Variants in FBXW8 observed in about 807,000 individuals in gnomAD.
FBXW8 encodes F-box and WD repeat domain containing 8, also known as F-box/WD repeat-containing protein 8.
FBXW8 carries 57 observed loss-of-function variants against 65.3 expected under a neutral mutation model. The observed-to-expected ratio is 0.87, with a 90% CI of 0.71 to 1.09. FBXW8 has a LOEUF of 1.09. FBXW8 is among the 50% of genes least tolerant of loss of function. FBXW8 has a pLI of 0.00. For missense variants in FBXW8, 777 were observed against 814.8 expected (o/e 0.95, Z 0.57); for synonymous variants, 308 against 330.2 (o/e 0.93, Z 0.73).
At chr12:117,020,607 C>CCTAT (rs945127979) in intron 8 of FBXW8, among the ~76,000 whole-genome samples, 10 of 152,334 alleles carry the variant, frequency 6.6e-5, no homozygotes, top group South Asian at 6.2e-4. Flanking sequence ...CTGCTTCCAG[C>CCTAT]CTATCTCCCA....
intron 7 of FBXW8, among the ~76,000 whole-genome samples, chr12:117,009,332 C>T (rs1953750767): frequency 6.6e-6 from 1 of 151,196 alleles, no homozygotes; most frequent in Non-Finnish European, 1.5e-5. Context: ...TTTGAGGCTA[C>T]AGTGAGCTAT....
chr12:116,954,155 C>G (rs1266743675), intron 4 of FBXW8, among the ~76,000 whole-genome samples: 4 of 150,330 alleles, frequency 2.7e-5, no homozygotes, highest in Non-Finnish European at 5.9e-5. Context: ...TGGTAAAAAC[C>G]ATGTTGTTTT....
intron 7 of FBXW8, among the ~76,000 whole-genome samples, chr12:116,998,587 T>C (rs907206676): frequency 1.8e-4 from 27 of 152,322 alleles, no homozygotes; most frequent in African/African-American, 6.5e-4. Flanking sequence ...TTCACAGATG[T>C]GTATGGCTTT....
chr12:116,924,216 T>A (rs1881142978), intron 1 of FBXW8, among the ~76,000 whole-genome samples: 1 of 152,112 alleles, frequency 6.6e-6, no homozygotes, highest in Non-Finnish European at 1.5e-5. Flanking sequence ...TAGAGTTGGG[T>A]TAACGTGGCC....
At chr12:116,922,349 G>A (rs1321321576) in intron 1 of FBXW8, among the ~76,000 whole-genome samples, 2 of 151,972 alleles carry the variant, frequency 1.3e-5, no homozygotes, top group African/African-American at 4.8e-5. Flanking sequence ...TGCAGTACAT[G>A]GAAAGTTGAG....
chr12:117,027,312 C>T, intron 9 of FBXW8, 82 bp from the exon 10 acceptor site: 1 of 1,008,660 alleles, frequency 9.9e-7, no homozygotes, highest in East Asian at 2.4e-5. Flanking sequence ...GAATCCCCTG[C>T]AGCTCTGAAC....
chr12:117,017,927 T>G (rs185711170), intron 8 of FBXW8, among the ~76,000 whole-genome samples: 1 of 152,290 alleles, frequency 6.6e-6, no homozygotes, highest in East Asian at 1.9e-4. Context: ...CTGACAAATA[T>G]AAAGTTGTGT....
intron 1 of FBXW8, among the ~76,000 whole-genome samples, chr12:116,914,395 C>G (rs1163240683): frequency 6.7e-6 from 1 of 149,046 alleles, no homozygotes; most frequent in East Asian, 2.0e-4. Context: ...CCAACCTGGG[C>G]AACGTAGAGA....
chr12:116,957,327 C>T (rs898115307), intron 4 of FBXW8, among the ~76,000 whole-genome samples: 29 of 152,162 alleles, frequency 1.9e-4, no homozygotes, highest in African/African-American at 6.8e-4. Flanking sequence ...AGCTTGGTGA[C>T]AGCGAGACTG....
At chr12:116,957,644 C>T (rs1308881480) in intron 4 of FBXW8, among the ~76,000 whole-genome samples, 2 of 152,038 alleles carry the variant, frequency 1.3e-5, no homozygotes, top group African/African-American at 4.8e-5. Flanking sequence ...TAAGGACATG[C>T]GTTCCATTTT....
Sources: gnomAD v4.1 joint callset for allele counts (sites outside exome capture counted in the v4.1 genomes callset) on GRCh38, gnomAD v4.1.1 for gene constraint, MANE v1.5 for transcripts, NCBI Gene and HGNC (gene_info 2026-07-23, HGNC 2026-07-21) for gene names.